Variants in CCBE1 observed in about 807,000 individuals in gnomAD.
CCBE1 encodes the protein collagen and calcium-binding EGF domain-containing protein 1.
A neutral mutation model predicts 50.0 loss-of-function variants in CCBE1; 37 were observed. That is an observed-to-expected ratio of 0.74 (90% CI 0.57 to 0.97). CCBE1 has a LOEUF of 0.97. Among genes scored for constraint, CCBE1 ranks in the 50% least tolerant of loss-of-function variants. The pLI, the probability that CCBE1 is intolerant of heterozygous loss-of-function variation, is 0.00. For synonymous variants in CCBE1, 234 were observed against 203.7 expected (o/e 1.15, Z -1.27); for missense variants, 538 against 523.8 (o/e 1.03, Z -0.26).
At chr18:59,489,826 A>G (rs1219259899) in intron 2 of CCBE1, among the ~76,000 whole-genome samples, 1 of 152,084 alleles carries the variant, frequency 6.6e-6, no homozygotes, top group Non-Finnish European at 1.5e-5. Context: ...AACCCTCATT[A>G]TCTTGCTTGC....
intron 2 of CCBE1, among the ~76,000 whole-genome samples, chr18:59,554,741 G>A (rs995937627): frequency 2.6e-5 from 4 of 152,208 alleles, no homozygotes; most frequent in East Asian, 1.9e-4. Context: ...TTTTATGTGA[G>A]AAGGTGGTTG....
At chr18:59,518,865 C>A (rs1187755975) in intron 2 of CCBE1, among the ~76,000 whole-genome samples, 1 of 152,200 alleles carries the variant, frequency 6.6e-6, no homozygotes, top group East Asian at 1.9e-4. Flanking sequence ...GAACTAATAC[C>A]TCCCTGGGAA....
chr18:59,453,541 A>G (rs1163968081), intron 6 of CCBE1, among the ~76,000 whole-genome samples: 1 of 152,178 alleles, frequency 6.6e-6, no homozygotes, highest in African/African-American at 2.4e-5. Flanking sequence ...AGAGTCGTAA[A>G]AAAGGCCTGC....
At chr18:59,683,476 A>G (rs2054618744) in intron 2 of CCBE1, among the ~76,000 whole-genome samples, 1 of 152,004 alleles carries the variant, frequency 6.6e-6, no homozygotes, top group Non-Finnish European at 1.5e-5. Flanking sequence ...CAGGCGGATC[A>G]CCTGAGGTCA....
chr18:59,490,285 G>A (rs975670339), intron 2 of CCBE1, among the ~76,000 whole-genome samples: 7 of 151,890 alleles, frequency 4.6e-5, no homozygotes, highest in Admixed American at 2.0e-4. Flanking sequence ...ACACCCAGCC[G>A]AGATACTTAT....
chr18:59,644,615 G>A (rs2054031187), intron 2 of CCBE1, among the ~76,000 whole-genome samples: 1 of 152,148 alleles, frequency 6.6e-6, no homozygotes, highest in Admixed American at 6.5e-5. Flanking sequence ...AGTACTATTT[G>A]CCATTTTAAA....
At chr18:59,574,025 C>CA (rs149414221) in intron 2 of CCBE1, among the ~76,000 whole-genome samples, 1 of 152,252 alleles carries the variant, frequency 6.6e-6, no homozygotes, top group East Asian at 1.9e-4. Context: ...TCCCTCATTT[C>CA]AAACAGGACA....
rs1249288686 is a variant in CCBE1, at chr18:59,577,372, G to A, written c.213-97134C>T. Among the ~76,000 whole-genome samples, 8 of 152,300 alleles carry A rather than the reference G, an allele frequency of 5.3e-5. No homozygotes were observed. The South Asian group carries it at 1.7e-3, about 32-fold the overall frequency. ...TCTGGCAGTGCAGCGGGGGTTTGAA[G>A]ATTAATTTAATAAAAGGAAAGCCCC... On this transcript the variant is annotated intron_variant, in intron 2 of 10. Transcript: ENST00000439986.
At chr18:59,651,283 G>C (rs74574037) in intron 2 of CCBE1, among the ~76,000 whole-genome samples, 4,430 of 152,246 alleles carry the variant, frequency 0.029, 208 homozygotes, top group African/African-American at 0.1. Context: ...GTTGTTGCAG[G>C]CACTGGGGTT....
chr18:59,592,791 T>C (rs2053291029), intron 2 of CCBE1, among the ~76,000 whole-genome samples: 1 of 152,204 alleles, frequency 6.6e-6, no homozygotes, highest in Non-Finnish European at 1.5e-5. Flanking sequence ...TAATGTTTCA[T>C]GTGCTCAAAT....
At chr18:59,462,594 G>A (rs1911541428) in intron 5 of CCBE1, 1 of 151,846 alleles carries the variant, frequency 6.6e-6, no homozygotes, top group Admixed American at 6.6e-5. Context: ...TCACTATGTT[G>A]GCCAGGCTGG....
chr18:59,478,731 G>A (rs538455923), intron 3 of CCBE1, among the ~76,000 whole-genome samples: 16 of 152,288 alleles, frequency 1.1e-4, no homozygotes, highest in African/African-American at 3.9e-4. Flanking sequence ...AACCAAAGGG[G>A]CTAAACTTAA....
At chr18:59,628,004 A>G (rs2053808702) in intron 2 of CCBE1, among the ~76,000 whole-genome samples, 1 of 152,168 alleles carries the variant, frequency 6.6e-6, no homozygotes, top group Non-Finnish European at 1.5e-5. Flanking sequence ...CTTGAGCCCA[A>G]GAGTTCAAGA....
intron 2 of CCBE1, among the ~76,000 whole-genome samples, chr18:59,482,635 A>G (rs1912626107): frequency 6.6e-6 from 1 of 152,174 alleles, no homozygotes; most frequent in Non-Finnish European, 1.5e-5. Flanking sequence ...AAAAAATGGC[A>G]GTTGGTTAAA....
intron 2 of CCBE1, among the ~76,000 whole-genome samples, chr18:59,525,061 GA>G (rs1223950465): frequency 6.6e-6 from 1 of 152,160 alleles, no homozygotes; most frequent in Admixed American, 6.5e-5. Flanking sequence ...CTTTATAAGA[GA>G]ATGATTTATA....
chr18:59,447,621 G>A (rs113155053), intron 7 of CCBE1, among the ~76,000 whole-genome samples: 2 of 152,084 alleles, frequency 1.3e-5, no homozygotes, highest in African/African-American at 2.4e-5. Context: ...TGGGTGAGGA[G>A]CCCCAAGCAG....
At chr18:59,632,302 T>C (rs550145849) in intron 2 of CCBE1, among the ~76,000 whole-genome samples, 1 of 152,286 alleles carries the variant, frequency 6.6e-6, no homozygotes, top group Admixed American at 6.5e-5. Flanking sequence ...AACAATCTGG[T>C]TTTTTTGAGA....
chr18:59,678,043 G>T (rs564650309), intron 2 of CCBE1, among the ~76,000 whole-genome samples: 1 of 152,266 alleles, frequency 6.6e-6, no homozygotes, highest in African/African-American at 2.4e-5. Context: ...ACCATACCGG[G>T]GGATGCAAAG....
chr18:59,479,304 G>T (rs982327879), intron 3 of CCBE1, among the ~76,000 whole-genome samples: 1 of 152,104 alleles, frequency 6.6e-6, no homozygotes, highest in African/African-American at 2.4e-5. Context: ...TAAGTCCTGG[G>T]CAGTCTTCCT....
Sources: gnomAD v4.1 joint callset for allele counts (sites outside exome capture counted in the v4.1 genomes callset) on GRCh38, gnomAD v4.1.1 for gene constraint, MANE v1.5 for transcripts, NCBI Gene and HGNC (gene_info 2026-07-23, HGNC 2026-07-21) for gene names.